Variants in MTRF1 observed in about 807,000 individuals in gnomAD.
The protein encoded by MTRF1 is peptide chain release factor 1, mitochondrial.
MTRF1 carries 51 observed loss-of-function variants against 62.9 expected under a neutral mutation model. The observed-to-expected ratio is 0.81, with a 90% CI of 0.65 to 1.02. MTRF1 has a LOEUF of 1.02. Ranked by LOEUF, MTRF1 falls within the 50% of genes least tolerant of loss-of-function variation. The pLI is 0.00. For synonymous variants in MTRF1, 158 were observed against 181.9 expected (o/e 0.87, Z 1.06); for missense variants, 446 against 530.0 (o/e 0.84, Z 1.56).
Position 41,220,352 on chromosome 13 carries a change from A to G in MTRF1, c.1224+2904T>C, listed in dbSNP as rs377104003. Among the ~76,000 whole-genome samples, 299 of 151,856 alleles carry G rather than the reference A, an allele frequency of 2.0e-3. 2 individuals carry two copies. The highest frequency in any genetic ancestry group is 7.0e-3 in the African/African-American group (289 of 41,416). On this transcript the variant is annotated intron_variant, in intron 9 of 9. Transcript: ENST00000379480. ...AAAAAAAAAAAAAAAAAAAACAGGAAAACAAAGTACATTTAAATCTCTAAG... is the reference window on the plus strand; with the variant it reads ...AAAAAAAAAAAAAAAAAAAACAGGAGAACAAAGTACATTTAAATCTCTAAG...
At chr13:41,227,548 C>A (rs2034669404) in intron 7 of MTRF1, among the ~76,000 whole-genome samples, 1 of 152,128 alleles carries the variant, frequency 6.6e-6, no homozygotes, top group Non-Finnish European at 1.5e-5. Flanking sequence ...CCAAATCCAG[C>A]TCTGAAACGA....
chr13:41,254,018 C>A (rs1478696047), intron 3 of MTRF1, among the ~76,000 whole-genome samples: 1 of 152,174 alleles, frequency 6.6e-6, no homozygotes, highest in East Asian at 1.9e-4. Flanking sequence ...TCTTCCATTT[C>A]CATGTCTAGG....
chr13:41,271,085 A>G, the MTRF1 span, among the ~76,000 whole-genome samples: 1 of 149,058 alleles, frequency 6.7e-6, no homozygotes, highest in Non-Finnish European at 1.5e-5. Flanking sequence ...ACACACACAC[A>G]CACACACCCC....
the MTRF1 span, among the ~76,000 whole-genome samples, chr13:41,297,799 C>T: frequency 1.3e-5 from 2 of 152,012 alleles, no homozygotes. Context: ...CTGTCTTAAA[C>T]CCCTTACCTC....
the MTRF1 span, among the ~76,000 whole-genome samples, chr13:41,269,185 G>GTTTTTTTTTTTTTGTTTTTTTTTTTT: frequency 1.0e-5 from 1 of 96,462 alleles, no homozygotes; most frequent in Non-Finnish European, 1.9e-5. Flanking sequence ...CTTTTACCTT[G>GTTTTTTTTTTTTTGTTTTTTTTTTTT]TTTTTTTTTT....
chr13:41,270,325 G>A, the MTRF1 span, among the ~76,000 whole-genome samples: 2 of 151,772 alleles, frequency 1.3e-5, no homozygotes, highest in Non-Finnish European at 2.9e-5. Context: ...CATTTAACTA[G>A]TCTTTTTTCC....
chr13:41,260,445 T>G, intron 2 of MTRF1, 48 bp downstream of exon 2: 1 of 1,504,138 alleles, frequency 6.6e-7, no homozygotes. Context: ...GTGTGTGGTT[T>G]TTTTTTTCAT....
chr13:41,267,011 A>C (rs573106252), upstream of MTRF1, among the ~76,000 whole-genome samples: 17 of 151,992 alleles, frequency 1.1e-4, no homozygotes, highest in South Asian at 1.2e-3. Flanking sequence ...AAAAAAAAAA[A>C]AAAAAACAAA....
the MTRF1 span, among the ~76,000 whole-genome samples, chr13:41,301,959 G>A: frequency 6.6e-6 from 1 of 152,144 alleles, no homozygotes; most frequent in Non-Finnish European, 1.5e-5. Flanking sequence ...TAGGGAGGGA[G>A]TCTTAAGACA....
At chr13:41,270,777 G>A in the MTRF1 span, among the ~76,000 whole-genome samples, 618 of 150,416 alleles carry the variant, frequency 4.1e-3, 5 homozygotes, top group African/African-American at 0.014. Context: ...TTTCACTCTC[G>A]TTGCCCAGGT....
Position 41,260,858 on chromosome 13 carries a change from C to G in MTRF1, c.50G>C (p.Gly17Ala), listed in dbSNP as rs771292566. Residue 17 changes from glycine (G) to alanine (A), a missense_variant, in exon 2 of 10, where the codon GGT becomes GCT. Physicochemically the swap from Gly to Ala is moderately conservative, Grantham distance 60 (BLOSUM62 0). Transcript: ENST00000379480. ...VWLFRHPSLN[G>A]YLQCHIQLHS... ...GAGCTGGATGTGACACTGGAGGTAACCATTAAGAGATGGATGTCTAAAAAG... is the reference window on the plus strand; with the variant it reads ...GAGCTGGATGTGACACTGGAGGTAAGCATTAAGAGATGGATGTCTAAAAAG... 76 of 1,612,046 alleles carry G rather than the reference C, an allele frequency of 4.7e-5. No homozygotes were observed. The highest frequency in any genetic ancestry group is 6.4e-5 in the Non-Finnish European group (76 of 1,178,472).
intron 5 of MTRF1, among the ~76,000 whole-genome samples, chr13:41,243,432 A>AG (rs2037811173): frequency 2.0e-5 from 3 of 149,270 alleles, no homozygotes; most frequent in African/African-American, 7.4e-5. Flanking sequence ...AAAAGACTCA[A>AG]TTTCCTTAAG....
chr13:41,255,944 T>G (rs2139140373), intron 2 of MTRF1, among the ~76,000 whole-genome samples: 1 of 152,176 alleles, frequency 6.6e-6, no homozygotes, highest in Admixed American at 6.5e-5. Context: ...AGGTAAAAAA[T>G]TCCGACCCTT....
the MTRF1 span, among the ~76,000 whole-genome samples, chr13:41,283,724 G>C: frequency 2.0e-5 from 3 of 149,466 alleles, no homozygotes; most frequent in East Asian, 2.0e-4. Flanking sequence ...CGAGTAGCTG[G>C]GACCACAGGC....
the MTRF1 span, among the ~76,000 whole-genome samples, chr13:41,274,695 T>A: frequency 0.019 from 2,864 of 147,736 alleles, 75 homozygotes; most frequent in Admixed American, 0.066. Context: ...AATAATAATA[T>A]TATTTTTTGA....
At chr13:41,222,022 G>A (rs1593558046) in intron 9 of MTRF1, among the ~76,000 whole-genome samples, 2 of 152,158 alleles carry the variant, frequency 1.3e-5, no homozygotes, top group Admixed American at 1.3e-4. Flanking sequence ...TACAGAAATT[G>A]ACAAACATAT....
intron 2 of MTRF1, among the ~76,000 whole-genome samples, chr13:41,256,210 G>A (rs1466258553): frequency 6.6e-6 from 1 of 152,144 alleles, no homozygotes; most frequent in African/African-American, 2.4e-5. Flanking sequence ...ATGGGGGAGT[G>A]CCAGTGTGCC....
chr13:41,271,054 T>TAC, the MTRF1 span, among the ~76,000 whole-genome samples: 5,261 of 143,328 alleles, frequency 0.037, 159 homozygotes, highest in African/African-American at 0.078. Context: ...GCCTTTTAAA[T>TAC]ACACACACAC....
At position 41,240,238 on chromosome 13, in the gene MTRF1, C is replaced by T. The variant is rs143981773; in HGVS notation, c.870+23G>A. The T allele has an allele frequency of 4.1e-4, 652 of 1,582,954 alleles. 6 individuals are homozygous for T. In the Middle Eastern group the frequency reaches 7.8e-3, roughly 19 times the overall value. The stretch of plus-strand genomic sequence containing the variant: ...ATACCCGTTGACATGGAGTGAGTTT[C>T]CCTTGCCTCCTCCTGAGGTTACCTC... On this transcript the variant is annotated intron_variant, in intron 6 of 9. Coordinates refer to ENST00000379480, the MANE Select transcript of MTRF1 (RefSeq NM_004294.4).
Sources: allele counts gnomAD v4.1 joint callset (sites outside exome capture counted in the v4.1 genomes callset), GRCh38; gene constraint gnomAD v4.1.1; transcripts MANE v1.5; gene names NCBI Gene and HGNC (gene_info 2026-07-23, HGNC 2026-07-21).